CACNA1S: variants seen among roughly 807,000 people sequenced by gnomAD.
CACNA1S encodes calcium voltage-gated channel subunit alpha1 S, also known as voltage-dependent L-type calcium channel subunit alpha-1S.
In CACNA1S, 126 loss-of-function variants were observed where a neutral mutation model predicts 207.4. The observed-to-expected ratio is 0.61, with a 90% CI of 0.53 to 0.70. The LOEUF is 0.70. CACNA1S is among the 30% of genes least tolerant of loss of function. The pLI, the probability that CACNA1S is intolerant of heterozygous loss-of-function variation, is 0.00. For synonymous variants in CACNA1S, 960 were observed against 932.7 expected, an observed-to-expected ratio of 1.03 and a Z score of -0.53; for missense variants, 2,349 against 2,422.8, an observed-to-expected ratio of 0.97 and a Z score of 0.64.
At chr1:201,088,140 A>T (rs1484535592) in intron 6 of CACNA1S, among the ~76,000 whole-genome samples, 1 of 151,976 alleles carries the variant, frequency 6.6e-6, no homozygotes, top group African/African-American at 2.4e-5. Flanking sequence ...CCCTAGGGAG[A>T]CCTTGCTGAC....
chr1:201,066,447 C>A lies in CACNA1S; in HGVS notation c.2658-131G>T, dbSNP rs1336465320. 3.9e-6 allele frequency: 3 copies of A among 774,776 alleles called. No homozygotes were observed. Among genetic ancestry groups the A allele is most frequent in the Non-Finnish European group, 6.7e-6 (3 of 450,284 alleles). The allele number at this position is 774,776 out of a possible 1,614,324, so 48.0% of individuals were successfully genotyped here. A position where few individuals can be genotyped will look rare whatever the true frequency, so the allele number is the denominator to read the frequency against. ...TGCCTGAAAACACTCCCACCTTCCC[C>A]TTCCCTTTCCTCCAGCCGTGAGAGT... On this transcript the variant is annotated intron_variant, in intron 20 of 43. Coordinates refer to ENST00000362061, the MANE Select transcript of CACNA1S (RefSeq NM_000069.3). This position sits in a 1 kb window ranked among gnomAD's most constrained non-coding sequence, Gnocchi z 4.3.
At chr1:201,100,018 A>G (rs1425367969) in intron 2 of CACNA1S, among the ~76,000 whole-genome samples, 1 of 152,088 alleles carries the variant, frequency 6.6e-6, no homozygotes, top group Admixed American at 6.5e-5. Context: ...CAGAGGACCT[A>G]TAACCCTGTC....
At chr1:201,057,043 T>TC in intron 28 of CACNA1S, among the ~76,000 whole-genome samples, 1 of 152,226 alleles carries the variant, frequency 6.6e-6, no homozygotes, top group African/African-American at 2.4e-5. Context: ...TACAGTTTAG[T>TC]TTGTTCGCAA....
Position 201,075,507 on chromosome 1 carries a change from C to A in CACNA1S, c.1936G>T (p.Val646Phe), listed in dbSNP as rs139860737. ...LVCIYFIILF[V>F]CGNYILLNVF... ...CCCGAGAGGATACAGTTGCCACAGA[C>A]GAAAAGGATGATGAAGTAAATGCAC... The change falls in exon 13 of 44, where the codon GTC (valine) becomes TTC (phenylalanine). Residue 646 changes from valine to phenylalanine, a missense_variant. Val to Phe is a conservative substitution (Grantham distance 50, BLOSUM62 -1). Transcript: ENST00000362061. 1.1e-5 allele frequency: 17 copies of A among 1,612,734 alleles called. No homozygotes were observed. The highest frequency in any genetic ancestry group is 1.7e-5 in the Admixed American group (1 of 59,836).
At chr1:201,092,431 C>T (rs1293868617) in intron 3 of CACNA1S, among the ~76,000 whole-genome samples, 1 of 152,094 alleles carries the variant, frequency 6.6e-6, no homozygotes, top group Non-Finnish European at 1.5e-5. Context: ...CTGAGTACCC[C>T]CAACACGGGC....
rs1031899572 is a variant in CACNA1S at position 201,053,250 on chromosome 1, T to C, written c.3820A>G (p.Ile1274Val). 5 of 1,614,214 alleles carry C rather than the reference T, an allele frequency of 3.1e-6. No individual in the cohort carries two copies. In the East Asian group the frequency reaches 8.9e-5, roughly 29 times the overall value. ...FQALPYVALL[I>V]VMLFFIYAVI... ...GCGTAGATGAAGAAGAGCATGACGA[T>C]GAGCAGAGCCACGTAGGGTAGGGCC... Residue 1274 changes from isoleucine to valine, a missense_variant, in exon 31 of 44, where the codon ATC (isoleucine) becomes GTC (valine). Ile to Val is a conservative substitution (Grantham distance 29). Transcript: ENST00000362061. The surrounding 1 kb of genome is among the most constrained non-coding windows in gnomAD (Gnocchi z 5.1).
intron 2 of CACNA1S, among the ~76,000 whole-genome samples, chr1:201,098,010 C>T (rs1473259636): frequency 6.6e-6 from 1 of 152,154 alleles, no homozygotes; most frequent in Non-Finnish European, 1.5e-5. Flanking sequence ...ACCTTCCTGG[C>T]TCTCACCCCC....
Position 201,051,027 on chromosome 1 carries a change from G to A in CACNA1S, c.4070C>T (p.Ala1357Val). Residue 1357 changes from alanine to valine, a missense_variant, in exon 33 of 44, where the codon GCA becomes GTA. Physicochemically the swap from Ala to Val is moderately conservative, Grantham distance 64. Transcript: ENST00000362061. Reference protein sequence around the residue: ...GEEYTCGTNFAYYYFISFYML... With the variant: ...GEEYTCGTNFVYYYFISFYML... ...GTAGAAGCTGATGAAGTAGTAGTAT[G>A]CAAAGTTGGTGCCACATGTGTACTC... 4 of 1,614,236 alleles carry A rather than the reference G, an allele frequency of 2.5e-6. No individual in the cohort carries two copies. Among genetic ancestry groups the A allele is most frequent in the Non-Finnish European group, 3.4e-6 (4 of 1,180,034 alleles).
chr1:201,089,262 T>A lies in CACNA1S; in HGVS notation c.896A>T (p.Tyr299Phe), dbSNP rs980556708. 3 of 1,614,024 alleles carry A rather than the reference T, an allele frequency of 1.9e-6. No homozygotes were observed. The highest frequency in any genetic ancestry group is 2.5e-6 in the Non-Finnish European group (3 of 1,179,992). The part of the protein sequence containing the change: ...ITMEGWTDVL[Y>F]WVNDAIGNEW... ...CAGGCGCGGGCCCAGACCCACCCAG[T>A]AAAGGACGTCAGTCCATCCCTCCAT... is the stretch of plus-strand genomic sequence containing the variant. The change falls in exon 6 of 44, where the codon TAC (tyrosine) becomes TTC (phenylalanine). Residue 299 changes from tyrosine (Y) to phenylalanine (F), a missense_variant. Tyr to Phe is a conservative substitution (Grantham distance 22). Coordinates refer to ENST00000362061, the MANE Select transcript of CACNA1S (RefSeq NM_000069.3).
chr1:201,108,063 A>AT (rs1662962387), intron 2 of CACNA1S, among the ~76,000 whole-genome samples: 1 of 152,018 alleles, frequency 6.6e-6, no homozygotes, highest in Non-Finnish European at 1.5e-5. Flanking sequence ...AAGGGAGCCA[A>AT]TTTTGTTTCA....
chr1:201,053,646 CAGGGCGGGG>C lies in CACNA1S; in HGVS notation c.3667-68_3667-60del. The C allele has an allele frequency of 6.7e-7, 1 of 1,498,174 alleles. No individual in the cohort carries two copies. The highest frequency in any genetic ancestry group is 9.3e-7 in the Non-Finnish European group (1 of 1,077,010). 92.8% of individuals were successfully genotyped at this position (1,498,174 alleles called of 1,614,324 possible). A position where few individuals can be genotyped will look rare whatever the true frequency, so the allele number is the denominator to read the frequency against. On this transcript the variant is annotated intron_variant, in intron 29 of 43. Coordinates refer to ENST00000362061, the MANE Select transcript of CACNA1S (RefSeq NM_000069.3). The surrounding 1 kb of genome is among the most constrained non-coding windows in gnomAD (Gnocchi z 5.1). Reference sequence around the variant, plus strand: ...GGCAGAACCTCAGAGGGGTAAGGGGCAGGGCGGGGAGGGAGGTGCACTGTGTGTTTTGGG... The same window carrying C: ...GGCAGAACCTCAGAGGGGTAAGGGGCAGGGAGGTGCACTGTGTGTTTTGGG...
intron 5 of CACNA1S, 95 bp from the exon 6 acceptor site, chr1:201,089,558 A>G: frequency 8.0e-7 from 1 of 1,248,392 alleles, no homozygotes; most frequent in Non-Finnish European, 1.1e-6. Flanking sequence ...AGAATTGAGC[A>G]GTAAGTCTAA....
rs1173078833 is a variant in CACNA1S at position 201,069,189 on chromosome 1, T to A, written c.2498A>T (p.Lys833Ile). 6.2e-7 allele frequency: 1 copy of A among 1,614,030 alleles called. No individual in the cohort carries two copies. The highest frequency in any genetic ancestry group is 8.5e-7 in the Non-Finnish European group (1 of 1,179,950). Residue 833 changes from lysine to isoleucine, a missense_variant, in exon 19 of 44, where the codon AAA (lysine) becomes ATA (isoleucine). Coordinates refer to ENST00000362061, the MANE Select transcript of CACNA1S (RefSeq NM_000069.3). ...AGAGGTGAACCCGATGTCAAAGTGT[T>A]TAAGGATCTGGGGACAGGGCAGGGG... ...RADSMRNQIL[K>I]HFDIGFTSVF...
rs146497999 is a variant in CACNA1S at position 201,062,018 on chromosome 1, G to A, written c.2979C>T (p.Ser993=). Residue 993 remains serine (S), a synonymous_variant, in exon 24 of 44, where the codon AGC becomes AGT. Transcript: ENST00000362061. ...IELRHREWVH[S]DFHFDNVLSA... ...AGAGCACATTGTCGAAGTGGAAGTC[G>A]CTGTGTACCCACTCGCGGTGACGCA... is the stretch of plus-strand genomic sequence containing the variant. 4.5e-5 allele frequency: 72 copies of A among 1,614,056 alleles called. No homozygotes were observed. The highest frequency in any genetic ancestry group is 1.3e-4 in the Admixed American group (8 of 60,002).
chr1:201,086,829 G>GC (rs1205459137), intron 7 of CACNA1S, among the ~76,000 whole-genome samples: 1 of 152,110 alleles, frequency 6.6e-6, no homozygotes, highest in Non-Finnish European at 1.5e-5. Flanking sequence ...AATACTATTC[G>GC]CAACAACTGT....
chr1:201,041,952 C>T (rs1031203958), intron 40 of CACNA1S: 1 of 371,116 alleles, frequency 2.7e-6, no homozygotes, highest in African/African-American at 2.1e-5. Context: ...TGGCTGAGTC[C>T]CACACCCAGC....
intron 28 of CACNA1S, among the ~76,000 whole-genome samples, chr1:201,057,917 C>T (rs1366993356): frequency 6.6e-6 from 1 of 152,220 alleles, no homozygotes; most frequent in Non-Finnish European, 1.5e-5. Context: ...ACTCTCACCG[C>T]TTAGCTCTCC....
In CACNA1S at chr1:201,039,579, A is replaced by G. The variant is rs182257024; in HGVS notation, c.*252T>C. The G allele has an allele frequency of 7.4e-5, 43 of 581,968 alleles. No homozygotes were observed. Among genetic ancestry groups the G allele is most frequent in the Admixed American group, 4.2e-4 (14 of 33,298 alleles). The allele number at this position is 581,968 out of a possible 1,614,324, so 36.1% of individuals were successfully genotyped here. ...GGGAGTGGCCCTAGGCCAGACAGGC[A>G]CTGACCAGGCCTTTTTGAATGACAT... On this transcript the variant is annotated 3_prime_UTR_variant, in exon 44 of 44. Transcript: ENST00000362061.
chr1:201,078,893 C>T (rs1282158255), intron 10 of CACNA1S, among the ~76,000 whole-genome samples: 2 of 151,976 alleles, frequency 1.3e-5, no homozygotes, highest in Non-Finnish European at 2.9e-5. Context: ...GAGGTCGAGG[C>T]GGGTGGATCA....
Sources: gnomAD v4.1 joint callset for allele counts (sites outside exome capture counted in the v4.1 genomes callset) on GRCh38, gnomAD v4.1.1 for gene constraint, Gnocchi (gnomAD v3.1) non-coding constraint, MANE v1.5 for transcripts, NCBI Gene and HGNC (gene_info 2026-07-23, HGNC 2026-07-21) for gene names.